Variants in ZFPM2 observed in about 807,000 individuals in gnomAD.
The protein encoded by ZFPM2 is zinc finger protein, FOG family member 2.
In ZFPM2, 20 loss-of-function variants were observed where a neutral mutation model predicts 98.6. The ratio of observed to expected loss-of-function variants is 0.20; its 90% CI spans 0.14 to 0.29. The LOEUF is 0.29. Ranked by LOEUF, ZFPM2 falls within the 10% of genes least tolerant of loss-of-function variation. ZFPM2 has a pLI of 1.00. For missense variants in ZFPM2, 1,310 were observed against 1,388.6 expected (o/e 0.94, Z 0.90); for synonymous variants, 518 against 502.7 (o/e 1.03, Z -0.41).
intron 5 of ZFPM2, among the ~76,000 whole-genome samples, chr8:105,677,590 T>G (rs902360753): frequency 9.2e-5 from 14 of 151,952 alleles, no homozygotes; most frequent in African/African-American, 3.4e-4. Context: ...TTTTTTTAAG[T>G]AGCTATCTAT....
chr8:105,558,162 T>C (rs1815042752), intron 3 of ZFPM2, among the ~76,000 whole-genome samples: 1 of 152,220 alleles, frequency 6.6e-6, no homozygotes, highest in Non-Finnish European at 1.5e-5. Context: ...TTAAGCAATA[T>C]GTAAGTTAAA....
intron 2 of ZFPM2, among the ~76,000 whole-genome samples, chr8:105,420,308 A>G (rs146562359): frequency 1.2e-3 from 180 of 152,272 alleles, no homozygotes; most frequent in African/African-American, 3.9e-3. Flanking sequence ...AAAAATGTCA[A>G]TTCACATATC....
At chr8:105,646,107 C>T (rs1817039708) in intron 5 of ZFPM2, among the ~76,000 whole-genome samples, 1 of 150,580 alleles carries the variant, frequency 6.6e-6, no homozygotes, top group Admixed American at 6.6e-5. Flanking sequence ...AAATGAGCTT[C>T]ATGCTTCTCT....
intron 5 of ZFPM2, among the ~76,000 whole-genome samples, chr8:105,651,433 A>G (rs1817173123): frequency 6.8e-6 from 1 of 146,364 alleles, no homozygotes; most frequent in African/African-American, 2.6e-5. Flanking sequence ...GCACCACTGC[A>G]CTCTAGCCTG....
At chr8:105,554,255 T>C (rs1182746188) in intron 3 of ZFPM2, among the ~76,000 whole-genome samples, 1 of 152,192 alleles carries the variant, frequency 6.6e-6, no homozygotes, top group Admixed American at 6.5e-5. Flanking sequence ...ACATGGTTAT[T>C]AATGCCTGAG....
intron 5 of ZFPM2, among the ~76,000 whole-genome samples, chr8:105,755,243 A>G (rs556346715): frequency 1.7e-4 from 26 of 152,278 alleles, no homozygotes; most frequent in African/African-American, 6.0e-4. Context: ...TGTGCCTGTA[A>G]TAAAACCTCT....
At chr8:105,795,726 C>CTT (rs1237786953) in intron 6 of ZFPM2, 12 of 333,906 alleles carry the variant, frequency 3.6e-5, no homozygotes, top group African/African-American at 5.7e-5. Context: ...AGAAATTGAA[C>CTT]TTAACTTAGT....
intron 5 of ZFPM2, among the ~76,000 whole-genome samples, chr8:105,655,640 T>G (rs1485217848): frequency 6.6e-6 from 1 of 152,212 alleles, no homozygotes; most frequent in Admixed American, 6.5e-5. Context: ...ATTAAAACGC[T>G]TTATCATAGA....
intron 2 of ZFPM2, among the ~76,000 whole-genome samples, chr8:105,433,963 C>G (rs7835931): frequency 6.6e-6 from 1 of 151,934 alleles, no homozygotes; most frequent in African/African-American, 2.4e-5. Flanking sequence ...CTGAAACTAC[C>G]GTCAAAATAA....
chr8:105,625,429 C>G (rs1816633488), intron 4 of ZFPM2, among the ~76,000 whole-genome samples: 1 of 152,130 alleles, frequency 6.6e-6, no homozygotes, highest in Non-Finnish European at 1.5e-5. Flanking sequence ...GCAACTCTCA[C>G]TTAAAGGACA....
intron 3 of ZFPM2, among the ~76,000 whole-genome samples, chr8:105,499,395 T>A (rs1453956999): frequency 1.3e-5 from 2 of 152,126 alleles, no homozygotes; most frequent in African/African-American, 4.8e-5. Context: ...AAAGGTGGAA[T>A]GACTGATAGT....
chr8:105,767,963 C>G (rs1365136370), intron 5 of ZFPM2, among the ~76,000 whole-genome samples: 1 of 151,846 alleles, frequency 6.6e-6, no homozygotes, highest in Non-Finnish European at 1.5e-5. Context: ...AGCATGTCCT[C>G]CAATGAAAGG....
chr8:105,591,261 C>T (rs1231659885), intron 4 of ZFPM2, among the ~76,000 whole-genome samples: 43 of 149,342 alleles, frequency 2.9e-4, no homozygotes, highest in African/African-American at 1.0e-3. Flanking sequence ...AAAAAAAAAG[C>T]AACAACAACA....
At chr8:105,790,645 C>T (rs1181624832) in intron 6 of ZFPM2, among the ~76,000 whole-genome samples, 1 of 152,118 alleles carries the variant, frequency 6.6e-6, no homozygotes, top group Admixed American at 6.5e-5. Flanking sequence ...TCATTGGTAG[C>T]TTGATGGGGA....
chr8:105,646,430 G>A (rs1008630842), intron 5 of ZFPM2, among the ~76,000 whole-genome samples: 28 of 152,124 alleles, frequency 1.8e-4, no homozygotes, highest in Non-Finnish European at 4.4e-5. Context: ...TGAGGGGTAT[G>A]ATGAGGCATA....
intron 1 of ZFPM2, among the ~76,000 whole-genome samples, chr8:105,330,868 G>A (rs954487121): frequency 4.0e-5 from 6 of 149,738 alleles, no homozygotes; most frequent in Admixed American, 3.4e-4. Context: ...TTGTAAAATC[G>A]CTGTGTAAGT....
In ZFPM2 at chr8:105,345,514, G is replaced by A. The variant is rs1460489334; in HGVS notation, c.40+26533G>A. On this transcript the variant is annotated intron_variant, in intron 1 of 7. Transcript: ENST00000407775. Reference sequence around the variant, plus strand: ...CCATGATTGTGATTTCCCTTGCACAGCAGCATCATTTCTACCATCAAGGGA... The same window carrying A: ...CCATGATTGTGATTTCCCTTGCACAACAGCATCATTTCTACCATCAAGGGA... 2.1e-5 allele frequency among the ~76,000 whole-genome samples: 3 copies of A among 144,372 alleles called. No individual in the cohort carries two copies. In the Admixed American group the frequency reaches 2.2e-4, roughly 11 times the overall value. 94.7% of individuals were successfully genotyped at this position (144,372 alleles called of 152,430 possible). A position where few individuals can be genotyped will look rare whatever the true frequency, so the allele number is the denominator to read the frequency against.
intron 3 of ZFPM2, among the ~76,000 whole-genome samples, chr8:105,479,792 T>C (rs566134829): frequency 6.6e-6 from 1 of 152,342 alleles, no homozygotes; most frequent in East Asian, 1.9e-4. Context: ...GGATATGTTA[T>C]GAAACATGTT....
intron 3 of ZFPM2, among the ~76,000 whole-genome samples, chr8:105,474,531 T>C (rs1309814409): frequency 6.6e-6 from 1 of 152,008 alleles, no homozygotes; most frequent in East Asian, 1.9e-4. Context: ...TGTCTTTTCA[T>C]AAGGTAATTG....
Sources: gnomAD v4.1 joint callset for allele counts (sites outside exome capture counted in the v4.1 genomes callset) on GRCh38, gnomAD v4.1.1 for gene constraint, MANE v1.5 for transcripts, NCBI Gene and HGNC (gene_info 2026-07-23, HGNC 2026-07-21) for gene names.